AGMO: variants seen among roughly 807,000 people sequenced by gnomAD.
AGMO encodes alkylglycerol monooxygenase.
AGMO carries 75 observed loss-of-function variants against 60.2 expected under a neutral mutation model. The ratio of observed to expected loss-of-function variants is 1.25; its 90% CI spans 1.03 to 1.51. The LOEUF (loss-of-function observed/expected upper bound fraction) is 1.51. AGMO is among the 40% of genes most tolerant of loss of function. AGMO has a pLI of 0.00. For synonymous variants in AGMO, 261 were observed against 177.1 expected (o/e 1.47, Z -3.76); for missense variants, 763 against 525.5 (o/e 1.45, Z -4.42).
At chr7:15,388,541 A>C (rs1298700229) in intron 8 of AGMO, among the ~76,000 whole-genome samples, 2 of 152,248 alleles carry the variant, frequency 1.3e-5, no homozygotes, top group Admixed American at 1.3e-4. Flanking sequence ...TCTGGACACA[A>C]GCCATGAGAA....
chr7:15,380,367 C>T (rs956275719), intron 10 of AGMO, among the ~76,000 whole-genome samples: 2 of 152,082 alleles, frequency 1.3e-5, no homozygotes, highest in African/African-American at 4.8e-5. Flanking sequence ...ACACCAATGA[C>T]AGTCAAACTG....
At chr7:15,299,806 AG>A (rs1436832558) in intron 12 of AGMO, among the ~76,000 whole-genome samples, 11 of 149,812 alleles carry the variant, frequency 7.3e-5, no homozygotes, top group African/African-American at 2.7e-4. Flanking sequence ...CCAGCCTGGG[AG>A]ACAGAGCAAG....
At chr7:15,324,599 A>C (rs1781279585) in intron 12 of AGMO, among the ~76,000 whole-genome samples, 1 of 151,910 alleles carries the variant, frequency 6.6e-6, no homozygotes, top group South Asian at 2.1e-4. Context: ...TCTGTCCTCT[A>C]ATGTAGTGGC....
At chr7:15,495,141 T>A (rs533336825) in intron 3 of AGMO, among the ~76,000 whole-genome samples, 8 of 152,292 alleles carry the variant, frequency 5.3e-5, no homozygotes, top group African/African-American at 1.9e-4. Context: ...CCCATCATGA[T>A]GCTTTTGCTA....
chr7:15,560,263 T>A lies in AGMO; in HGVS notation c.135A>T (p.Pro45=). The change falls in exon 2 of 13, where the codon CCA becomes CCT. Residue 45 remains proline, a synonymous_variant. Transcript: ENST00000342526. The stretch of plus-strand genomic sequence containing the variant: ...CAAGCAGCATCAAAGAAATGAAAAA[T>A]GGAGTTGCCTGGAAAGGAAGTTGCA... ...EVPDYVKKAT[P]FFISLMLLEL... is the part of the protein sequence containing the mutation. 1 of 1,611,400 alleles carries A rather than the reference T, an allele frequency of 6.2e-7. No individual in the cohort carries two copies. Among genetic ancestry groups the A allele is most frequent in the Non-Finnish European group, 8.5e-7 (1 of 1,178,304 alleles).
chr7:15,174,834 G>A, the AGMO span, among the ~76,000 whole-genome samples: 1 of 151,918 alleles, frequency 6.6e-6, no homozygotes, highest in Non-Finnish European at 1.5e-5. Context: ...ATTTTGGAAA[G>A]CATATTTTCT....
At chr7:15,544,663 T>C in intron 3 of AGMO, 109 bp downstream of exon 3, 2 of 929,016 alleles carry the variant, frequency 2.2e-6, no homozygotes, top group Non-Finnish European at 3.0e-6. Context: ...CCGTAAAATA[T>C]ACTATTTTAT....
chr7:15,488,749 G>T (rs571520515), intron 3 of AGMO, among the ~76,000 whole-genome samples: 54 of 151,796 alleles, frequency 3.6e-4, no homozygotes, highest in Middle Eastern at 3.4e-3. Context: ...AGGCAAGAAA[G>T]ATTTTACATT....
chr7:15,497,810 C>T (rs1385102567), intron 3 of AGMO, among the ~76,000 whole-genome samples: 1 of 152,134 alleles, frequency 6.6e-6, no homozygotes, highest in South Asian at 2.1e-4. Flanking sequence ...GGGTCCATCT[C>T]TAAGATATTC....
At chr7:15,349,591 G>A (rs935871280) in intron 12 of AGMO, among the ~76,000 whole-genome samples, 1 of 152,008 alleles carries the variant, frequency 6.6e-6, no homozygotes, top group Non-Finnish European at 1.5e-5. Context: ...ATTCTTCTCA[G>A]TGAATTAATA....
chr7:15,426,934 C>T (rs1781082125), intron 4 of AGMO, among the ~76,000 whole-genome samples: 1 of 151,916 alleles, frequency 6.6e-6, no homozygotes, highest in Non-Finnish European at 1.5e-5. Context: ...ACTGGAGAGA[C>T]GAAACCAAGT....
chr7:15,501,739 A>G (rs1258544147), intron 3 of AGMO, among the ~76,000 whole-genome samples: 2 of 151,972 alleles, frequency 1.3e-5, no homozygotes, highest in Non-Finnish European at 2.9e-5. Flanking sequence ...ACAATTGAAC[A>G]AGAAAATGGA....
intron 12 of AGMO, among the ~76,000 whole-genome samples, chr7:15,329,536 G>T (rs994037630): frequency 6.6e-6 from 1 of 152,132 alleles, no homozygotes; most frequent in African/African-American, 2.4e-5. Context: ...TAAAATGACA[G>T]AACAACAGTT....
chr7:15,220,079 A>G (rs1292097492), intron 12 of AGMO, among the ~76,000 whole-genome samples: 1 of 152,022 alleles, frequency 6.6e-6, no homozygotes, highest in Non-Finnish European at 1.5e-5. Context: ...TATGATGTCC[A>G]TTCTTTTATA....
At chr7:15,175,739 A>G in the AGMO span, among the ~76,000 whole-genome samples, 3 of 151,900 alleles carry the variant, frequency 2.0e-5, no homozygotes, top group Non-Finnish European at 2.9e-5. Flanking sequence ...TCACTGTTAT[A>G]TAACTTTAAT....
chr7:15,121,109 G>A, the AGMO span, among the ~76,000 whole-genome samples: 2 of 152,094 alleles, frequency 1.3e-5, no homozygotes, highest in Non-Finnish European at 2.9e-5. Context: ...TGCTGAGGAT[G>A]ACGGCTTCCA....
chr7:15,476,283 T>G (rs1233022530), intron 3 of AGMO, among the ~76,000 whole-genome samples: 1 of 152,110 alleles, frequency 6.6e-6, no homozygotes, highest in Non-Finnish European at 1.5e-5. Context: ...ATTTCAAAGA[T>G]TTCTGTGAGG....
intron 12 of AGMO, among the ~76,000 whole-genome samples, chr7:15,225,284 C>T (rs972686770): frequency 2.0e-5 from 3 of 151,868 alleles, no homozygotes; most frequent in African/African-American, 7.2e-5. Flanking sequence ...CCAAATGCTC[C>T]TAAAAATTTG....
intron 12 of AGMO, among the ~76,000 whole-genome samples, chr7:15,307,353 A>G (rs1780643519): frequency 6.6e-6 from 1 of 152,060 alleles, no homozygotes; most frequent in Non-Finnish European, 1.5e-5. Context: ...ATAGGCATTT[A>G]CCATTACTTA....
Sources: allele counts gnomAD v4.1 joint callset (sites outside exome capture counted in the v4.1 genomes callset), GRCh38; gene constraint gnomAD v4.1.1; transcripts MANE v1.5; gene names NCBI Gene and HGNC (gene_info 2026-07-23, HGNC 2026-07-21).